Variants in CCNJL observed in about 807,000 individuals in gnomAD.
CCNJL encodes the protein cyclin-J-like protein.
In CCNJL, 33 loss-of-function variants were observed where a neutral mutation model predicts 33.4. That is an observed-to-expected ratio of 0.99 (90% CI 0.75 to 1.32). The LOEUF is 1.32. CCNJL is among the 40% of genes most tolerant of loss of function. CCNJL has a pLI of 0.00. For synonymous variants in CCNJL, 227 were observed against 220.9 expected (o/e 1.03, Z -0.24); for missense variants, 512 against 499.7 (o/e 1.02, Z -0.23).
rs566069987 is a variant in CCNJL, at chr5:160,323,246, A to C, written n.207-7741T>G. 2.1e-3 allele frequency among the ~76,000 whole-genome samples: 318 copies of C among 152,026 alleles called. 1 individual carries two copies. Among genetic ancestry groups the C allele is most frequent in the African/African-American group, 7.3e-3 (302 of 41,482 alleles). On this transcript the variant is annotated intron_variant and non_coding_transcript_variant, in intron 1 of 7. Coordinates refer to the CCNJL transcript ENST00000377503. ...CGAGACTCCAACTCAAAAAAAAAAA[A>C]AAAAGTCCCTCAAAAATTTGTTTGT...
intron 2 of CCNJL, among the ~76,000 whole-genome samples, chr5:160,290,564 G>A (rs1046965956): frequency 3.3e-5 from 5 of 152,068 alleles, no homozygotes; most frequent in African/African-American, 1.2e-4. Flanking sequence ...TACCATGCCT[G>A]GCCTAAAAGT....
At chr5:160,282,349 A>G (rs1762242505) in intron 2 of CCNJL, among the ~76,000 whole-genome samples, 1 of 152,166 alleles carries the variant, frequency 6.6e-6, no homozygotes, top group Admixed American at 6.5e-5. Context: ...ACTTACAACT[A>G]TAAAACTCTT....
At chr5:160,262,220 T>C (rs1303580256) in intron 3 of CCNJL, among the ~76,000 whole-genome samples, 1 of 152,192 alleles carries the variant, frequency 6.6e-6, no homozygotes, top group Non-Finnish European at 1.5e-5. Context: ...ACTAAGACCC[T>C]TGCACAGCAC....
chr5:160,254,146 G>A (rs1387832803), intron 5 of CCNJL: 1 of 465,636 alleles, frequency 2.1e-6, no homozygotes, highest in Non-Finnish European at 3.8e-6. Flanking sequence ...CCAGGAGGAT[G>A]GCGCCTGCTT....
chr5:160,334,547 C>T (rs1006540500), intron 1 of CCNJL, among the ~76,000 whole-genome samples: 1 of 151,362 alleles, frequency 6.6e-6, no homozygotes, highest in Non-Finnish European at 1.5e-5. Flanking sequence ...TTATCATCCT[C>T]ATTTCAAGAT....
intron 3 of CCNJL, among the ~76,000 whole-genome samples, chr5:160,270,307 G>C (rs922741226): frequency 1.3e-5 from 2 of 152,226 alleles, no homozygotes; most frequent in African/African-American, 2.4e-5. Flanking sequence ...AGCTGGGTGA[G>C]GTGGTGGGAA....
At chr5:160,280,436 T>C in intron 3 of CCNJL, 89 bp downstream of exon 3, 1 of 1,079,196 alleles carries the variant, frequency 9.3e-7, no homozygotes, top group Non-Finnish European at 1.4e-6. Context: ...GCAAAGATCG[T>C]CAAAATGTAA....
At chr5:160,268,684 C>T (rs1178561784) in intron 3 of CCNJL, among the ~76,000 whole-genome samples, 1 of 152,170 alleles carries the variant, frequency 6.6e-6, no homozygotes, top group Non-Finnish European at 1.5e-5. Context: ...GTAGCCTCCC[C>T]TTAAGTCCCC....
Position 160,326,705 on chromosome 5 carries a change from G to A in CCNJL, n.207-11200C>T, listed in dbSNP as rs1763540966. On this transcript the variant is annotated intron_variant and non_coding_transcript_variant, in intron 1 of 7. Coordinates refer to the CCNJL transcript ENST00000377503. ...GTGAAATTCCACCATGGCATACCAT[G>A]GCCAGGGCCAGAAAGTGCAGAAGGT... 7.4e-5 allele frequency: 68 copies of A among 916,914 alleles called. 2 individuals are homozygous for A. The South Asian group carries it at 8.5e-4, about 11-fold the overall frequency. The allele number at this position is 916,914 out of a possible 1,614,324, so 56.8% of individuals were successfully genotyped here. A position where few individuals can be genotyped will look rare whatever the true frequency, so the allele number is the denominator to read the frequency against.
intron 3 of CCNJL, among the ~76,000 whole-genome samples, chr5:160,276,789 T>C (rs200097543): frequency 6.8e-6 from 1 of 147,766 alleles, no homozygotes; most frequent in Non-Finnish European, 1.5e-5. Context: ...ATCTCTCTTT[T>C]TTTTTCTTTT....
intron 2 of CCNJL, among the ~76,000 whole-genome samples, chr5:160,303,625 T>C (rs59987261): frequency 0.019 from 2,868 of 151,868 alleles, 93 homozygotes; most frequent in African/African-American, 0.063. Context: ...AGTGGTAGGA[T>C]TGTGAGGGGA....
chr5:160,259,297 G>A (rs1200599164), intron 4 of CCNJL, among the ~76,000 whole-genome samples, 172 bp downstream of exon 4: 3 of 152,188 alleles, frequency 2.0e-5, no homozygotes, highest in African/African-American at 7.2e-5. Context: ...GTTACTGGGC[G>A]AATCCTTGCC....
chr5:160,312,924 TTCTC>T (rs1055115456), upstream of CCNJL: 9 of 148,944 alleles, frequency 6.0e-5, no homozygotes, highest in East Asian at 1.9e-4. Flanking sequence ...CTGTTTTTCT[TTCTC>T]TCTCTCTTTT....
At chr5:160,271,525 T>C (rs191177099) in intron 3 of CCNJL, among the ~76,000 whole-genome samples, 23 of 152,216 alleles carry the variant, frequency 1.5e-4, no homozygotes, top group Middle Eastern at 3.4e-3. Context: ...CTGAAACAGC[T>C]CTAAGCCTGC....
At chr5:160,259,362 G>C in intron 4 of CCNJL, 107 bp downstream of exon 4, 1 of 969,038 alleles carries the variant, frequency 1.0e-6, no homozygotes, top group East Asian at 2.5e-5. Context: ...ACAGGCCCCA[G>C]TGAGAAGGCC....
At chr5:160,288,680 C>A (rs951910231) in intron 2 of CCNJL, among the ~76,000 whole-genome samples, 1 of 151,796 alleles carries the variant, frequency 6.6e-6, no homozygotes, top group South Asian at 2.1e-4. Flanking sequence ...ACCATCCTGG[C>A]GAACATGGTG....
chr5:160,330,464 A>G (rs1303491452), intron 1 of CCNJL, among the ~76,000 whole-genome samples: 2 of 152,036 alleles, frequency 1.3e-5, no homozygotes, highest in Non-Finnish European at 2.9e-5. Flanking sequence ...CCATGGGCCT[A>G]AAGGTGTCGT....
At chr5:160,268,181 G>A (rs1761686494) in intron 3 of CCNJL, among the ~76,000 whole-genome samples, 1 of 152,214 alleles carries the variant, frequency 6.6e-6, no homozygotes, top group African/African-American at 2.4e-5. Context: ...GAGGAACCAG[G>A]GGAGACAGAT....
intron 2 of CCNJL, among the ~76,000 whole-genome samples, chr5:160,294,415 C>T (rs1554122331): frequency 6.6e-6 from 1 of 152,194 alleles, no homozygotes; most frequent in Non-Finnish European, 1.5e-5. Flanking sequence ...GGCACCACAT[C>T]CGCAGCCGGC....
Sources: allele counts gnomAD v4.1 joint callset (sites outside exome capture counted in the v4.1 genomes callset), GRCh38; gene constraint gnomAD v4.1.1; transcripts MANE v1.5; gene names NCBI Gene and HGNC (gene_info 2026-07-23, HGNC 2026-07-21).